ABCA1: variants seen among roughly 807,000 people sequenced by gnomAD.
The protein encoded by ABCA1 is phospholipid-transporting ATPase ABCA1.
Under a neutral mutation model 262.5 loss-of-function variants are expected in ABCA1, and 133 were observed. The observed-to-expected ratio is 0.51, with a 90% CI of 0.44 to 0.59. The LOEUF is 0.59. Ranked by LOEUF, ABCA1 falls within the 20% of genes least tolerant of loss-of-function variation. ABCA1 has a pLI of 0.00. For synonymous variants in ABCA1, 1,022 were observed against 1,043.5 expected, an observed-to-expected ratio of 0.98 and a Z score of 0.40; for missense variants, 2,452 against 2,777.5, an observed-to-expected ratio of 0.88 and a Z score of 2.63.
chr9:104,908,615 C>T (rs1226721093), intron 1 of ABCA1, among the ~76,000 whole-genome samples: 7 of 152,152 alleles, frequency 4.6e-5, no homozygotes, highest in Non-Finnish European at 8.8e-5. Context: ...GAGCTGAGAT[C>T]GCGCTACCGC....
intron 30 of ABCA1, among the ~76,000 whole-genome samples, chr9:104,806,860 TA>T (rs1830814715): frequency 6.6e-6 from 1 of 152,008 alleles, no homozygotes; most frequent in African/African-American, 2.4e-5. Flanking sequence ...ACTAATAAGA[TA>T]ACCTTAGATG....
At chr9:104,913,101 T>C (rs1209522648) in intron 1 of ABCA1, among the ~76,000 whole-genome samples, 2 of 152,240 alleles carry the variant, frequency 1.3e-5, no homozygotes, top group Non-Finnish European at 2.9e-5. Flanking sequence ...TCTTCAGATG[T>C]TCAACCTTCT....
chr9:104,849,208 G>T (rs1835162779), intron 7 of ABCA1, among the ~76,000 whole-genome samples: 1 of 152,190 alleles, frequency 6.6e-6, no homozygotes, highest in Non-Finnish European at 1.5e-5. Flanking sequence ...GCACACAGCA[G>T]GGCCTAAAGC....
intron 5 of ABCA1, among the ~76,000 whole-genome samples, chr9:104,876,802 G>T (rs573478850): frequency 6.6e-6 from 1 of 152,152 alleles, no homozygotes; most frequent in African/African-American, 2.4e-5. Flanking sequence ...GGCTTGGAGT[G>T]GGGAGTGAGG....
In ABCA1 at chr9:104,809,569, G is replaced by A. The variant is rs758941836; in HGVS notation, c.4176-5C>T. 4.3e-6 allele frequency: 7 copies of A among 1,613,222 alleles called. No individual in the cohort carries two copies. The highest frequency in any genetic ancestry group is 5.9e-6 in the Non-Finnish European group (7 of 1,179,318). ...GTGTCCTCAGGAGCATCATTGCTGTGGGTACATGAGAGGCAGCCAGCTTAG... is the reference window on the plus strand; with the variant it reads ...GTGTCCTCAGGAGCATCATTGCTGTAGGTACATGAGAGGCAGCCAGCTTAG... On this transcript the variant is annotated splice_region_variant and splice_polypyrimidine_tract_variant and intron_variant, in intron 29 of 49. Transcript: ENST00000374736.
intron 1 of ABCA1, among the ~76,000 whole-genome samples, chr9:104,919,882 T>C (rs1842047159): frequency 6.6e-6 from 1 of 152,208 alleles, no homozygotes; most frequent in South Asian, 2.1e-4. Flanking sequence ...TCTCATTCCT[T>C]TCTTCTGTCA....
At chr9:104,805,816 G>A (rs1339203902) in intron 31 of ABCA1, among the ~76,000 whole-genome samples, 2 of 152,194 alleles carry the variant, frequency 1.3e-5, no homozygotes, top group Non-Finnish European at 2.9e-5. Flanking sequence ...GTTAAAGACT[G>A]AAACAGGGCT....
In ABCA1 at chr9:104,884,474, C is replaced by A; in HGVS notation, c.255G>T (p.Pro85=). 1 of 1,614,198 alleles carries A rather than the reference C, an allele frequency of 6.2e-7. No homozygotes were observed. The highest frequency in any genetic ancestry group is 1.1e-5 in the South Asian group (1 of 91,086). The change falls in exon 4 of 50, where the codon CCG becomes CCT. Residue 85 remains proline (P), a synonymous_variant. Coordinates refer to ENST00000374736, the MANE Select transcript of ABCA1 (RefSeq NM_005502.4). ...CAACTCCGGGAGCCTCCCCAGGAGT[C>A]GGGTAACGGAAACAGGGGTTGTTGG... ...CNANNPCFRY[P]TPGEAPGVVG...
intron 44 of ABCA1, 66 bp downstream of exon 44, chr9:104,790,856 C>T (rs1001798669): frequency 5.4e-6 from 6 of 1,120,506 alleles, no homozygotes; most frequent in Admixed American, 1.7e-5. Context: ...AAAATAACAA[C>T]CTATTTCTTT....
At chr9:104,822,387 C>T in intron 19 of ABCA1, 109 bp downstream of exon 19, 1 of 1,429,190 alleles carries the variant, frequency 7.0e-7, no homozygotes, top group Middle Eastern at 2.4e-4. Context: ...TCCTCATGTG[C>T]TCCTTCCCTT....
At chr9:104,822,844 T>A in intron 18 of ABCA1, among the ~76,000 whole-genome samples, 177 bp from the exon 19 acceptor site, 1 of 152,162 alleles carries the variant, frequency 6.6e-6, no homozygotes, top group East Asian at 1.9e-4. Context: ...GTACTGATGT[T>A]GGTGATGGGA....
At chr9:104,788,121 A>G in intron 45 of ABCA1, 67 bp from the exon 46 acceptor site, 2 of 1,509,792 alleles carry the variant, frequency 1.3e-6, no homozygotes, top group Non-Finnish European at 1.8e-6. Flanking sequence ...TCCTACACAT[A>G]CATGTATGAA....
chr9:104,798,910 C>A (rs998802062), intron 36 of ABCA1, among the ~76,000 whole-genome samples: 2 of 152,130 alleles, frequency 1.3e-5, no homozygotes, highest in African/African-American at 4.8e-5. Context: ...CTGTTCATGA[C>A]CTTGTAAGAG....
chr9:104,784,709 C>T (rs1828763117), intron 49 of ABCA1, among the ~76,000 whole-genome samples: 1 of 152,088 alleles, frequency 6.6e-6, no homozygotes, highest in Non-Finnish European at 1.5e-5. Context: ...AGTGGCGAGA[C>T]CTTGGCTCAC....
Position 104,781,322 on chromosome 9 carries a change from T to C in ABCA1, c.*2993A>G, listed in dbSNP as rs1013939778. ...AAGGGATAATAGCATACCTAAATCC[T>C]TATGGAAATAGAAACATTCTAAGGG... On this transcript the variant is annotated 3_prime_UTR_variant, in exon 50 of 50. Coordinates refer to ENST00000374736, the MANE Select transcript of ABCA1 (RefSeq NM_005502.4). 6.6e-6 allele frequency: 1 copy of C among 152,562 alleles called. No homozygotes were observed. The highest frequency in any genetic ancestry group is 2.4e-5 in the African/African-American group (1 of 41,432). The allele number at this position is 152,562 out of a possible 1,614,324, so 9.5% of individuals were successfully genotyped here. A position where few individuals can be genotyped will look rare whatever the true frequency, so the allele number is the denominator to read the frequency against.
intron 5 of ABCA1, among the ~76,000 whole-genome samples, chr9:104,862,270 A>AT (rs201007171): frequency 1.1e-3 from 157 of 145,872 alleles, no homozygotes; most frequent in Admixed American, 2.0e-3. Context: ...TGACTGGCAA[A>AT]TTTTTTTTTT....
intron 7 of ABCA1, among the ~76,000 whole-genome samples, chr9:104,846,099 T>A (rs1834849006): frequency 6.6e-6 from 1 of 152,244 alleles, no homozygotes. Context: ...AGTCAAATCT[T>A]TATATGTACC....
chr9:104,876,975 C>G (rs548669463), intron 5 of ABCA1, among the ~76,000 whole-genome samples: 1 of 152,292 alleles, frequency 6.6e-6, no homozygotes, highest in South Asian at 2.1e-4. Flanking sequence ...CTTACTTTTG[C>G]AAACCTTACA....
chr9:104,798,364 A>G (rs529959817), intron 37 of ABCA1, 57 bp downstream of exon 37: 24 of 1,578,380 alleles, frequency 1.5e-5, no homozygotes, highest in Middle Eastern at 1.7e-4. Context: ...TTTCTTATCC[A>G]TATCAATCCA....
Sources: gnomAD v4.1 joint callset for allele counts (sites outside exome capture counted in the v4.1 genomes callset) on GRCh38, gnomAD v4.1.1 for gene constraint, MANE v1.5 for transcripts, NCBI Gene and HGNC (gene_info 2026-07-23, HGNC 2026-07-21) for gene names.